GPC5: variants seen among roughly 807,000 people sequenced by gnomAD.
GPC5 encodes the protein glypican 5.
GPC5 carries 47 observed loss-of-function variants against 53.9 expected under a neutral mutation model. The observed-to-expected ratio is 0.87, with a 90% CI of 0.69 to 1.11. The LOEUF is 1.11. GPC5 is among the 50% of genes most tolerant of loss of function. GPC5 has a pLI of 0.00. For synonymous variants in GPC5, 286 were observed against 263.3 expected (o/e 1.09, Z -0.84); for missense variants, 748 against 713.1 (o/e 1.05, Z -0.56).
At chr13:92,123,433 A>T (rs894552653) in intron 6 of GPC5, among the ~76,000 whole-genome samples, 3 of 152,198 alleles carry the variant, frequency 2.0e-5, no homozygotes, top group African/African-American at 7.2e-5. Flanking sequence ...ATGATAATAA[A>T]AAAGAAAAGG....
At chr13:92,728,168 G>A (rs2139295693) in intron 7 of GPC5, among the ~76,000 whole-genome samples, 1 of 151,454 alleles carries the variant, frequency 6.6e-6, no homozygotes, top group African/African-American at 2.4e-5. Flanking sequence ...ATTTGCCATA[G>A]GCATTTATAA....
chr13:91,555,233 G>A (rs190545267), intron 2 of GPC5, among the ~76,000 whole-genome samples: 5 of 152,092 alleles, frequency 3.3e-5, no homozygotes, highest in South Asian at 2.1e-4. Flanking sequence ...GGCCTGGCCC[G>A]TGGAAAGAGG....
intron 5 of GPC5, among the ~76,000 whole-genome samples, chr13:91,906,565 T>C (rs2039555236): frequency 6.6e-6 from 1 of 152,124 alleles, no homozygotes; most frequent in Non-Finnish European, 1.5e-5. Flanking sequence ...TGAATAAACA[T>C]ACAAATGAAT....
At chr13:92,647,384 C>T (rs542763365) in intron 7 of GPC5, among the ~76,000 whole-genome samples, 2 of 152,148 alleles carry the variant, frequency 1.3e-5, no homozygotes, top group South Asian at 4.2e-4. Context: ...TGTCAGTGCT[C>T]CTGTTTCAGG....
At chr13:92,624,456 G>A (rs1438425187) in intron 7 of GPC5, among the ~76,000 whole-genome samples, 1 of 152,128 alleles carries the variant, frequency 6.6e-6, no homozygotes, top group East Asian at 1.9e-4. Flanking sequence ...CTTCTGCCAT[G>A]TCCATTCACA....
chr13:91,711,068 A>G (rs960970163), intron 3 of GPC5, among the ~76,000 whole-genome samples: 1 of 152,190 alleles, frequency 6.6e-6, no homozygotes, highest in African/African-American at 2.4e-5. Flanking sequence ...ATCTAGAACT[A>G]GAAATACCAT....
chr13:92,048,553 G>C (rs560168189), intron 6 of GPC5, among the ~76,000 whole-genome samples: 1 of 152,050 alleles, frequency 6.6e-6, no homozygotes, highest in Non-Finnish European at 1.5e-5. Flanking sequence ...CACATCTATC[G>C]CTAATATATT....
intron 5 of GPC5, among the ~76,000 whole-genome samples, chr13:91,782,738 AG>A: frequency 6.6e-6 from 1 of 152,288 alleles, no homozygotes; most frequent in Admixed American, 6.5e-5. Context: ...CCTATGAAAT[AG>A]GTGTATTTTC....
At chr13:92,057,221 C>G (rs1015057170) in intron 6 of GPC5, among the ~76,000 whole-genome samples, 2 of 151,982 alleles carry the variant, frequency 1.3e-5, no homozygotes, top group South Asian at 4.1e-4. Flanking sequence ...TTTGACAGCT[C>G]CAGGAAGAGA....
chr13:91,569,789 C>G (rs1174876844), intron 2 of GPC5, among the ~76,000 whole-genome samples: 1 of 152,106 alleles, frequency 6.6e-6, no homozygotes, highest in Non-Finnish European at 1.5e-5. Flanking sequence ...GGCCAATTTT[C>G]CTTCTACCTT....
chr13:91,480,825 T>C (rs1339816936), intron 2 of GPC5, among the ~76,000 whole-genome samples: 1 of 152,184 alleles, frequency 6.6e-6, no homozygotes. Context: ...TTTTTCCTTG[T>C]TGGACAGGAC....
intron 6 of GPC5, among the ~76,000 whole-genome samples, chr13:92,008,195 T>G (rs527437839): frequency 1.6e-4 from 25 of 151,742 alleles, no homozygotes; most frequent in Non-Finnish European, 3.2e-4. Flanking sequence ...CCTGAGTAGC[T>G]GGGACTACAG....
chr13:92,785,233 G>T (rs553734799), intron 7 of GPC5, among the ~76,000 whole-genome samples: 46 of 152,214 alleles, frequency 3.0e-4, no homozygotes, highest in African/African-American at 1.1e-3. Flanking sequence ...CCAAGATCAG[G>T]CCCCTTCACT....
intron 7 of GPC5, among the ~76,000 whole-genome samples, chr13:92,564,388 G>T (rs1483262353): frequency 6.6e-6 from 1 of 152,022 alleles, no homozygotes; most frequent in Non-Finnish European, 1.5e-5. Context: ...AATGAAGATT[G>T]AGGTATTAAA....
chr13:92,727,160 A>G lies in GPC5; in HGVS notation c.1562-139122A>G, dbSNP rs1888670816. 2.0e-5 allele frequency among the ~76,000 whole-genome samples: 3 copies of G among 151,480 alleles called. No individual in the cohort carries two copies. The Admixed American group carries it at 2.0e-4, about 10-fold the overall frequency. On this transcript the variant is annotated intron_variant, in intron 7 of 7. Transcript: ENST00000377067. ...TTATGCAGAGCCCTGTTTTATGTCA[A>G]CCACGCTAAGATAATGTAGCTCGGG...
chr13:92,119,424 A>T (rs2041628667), intron 6 of GPC5, among the ~76,000 whole-genome samples: 1 of 120,396 alleles, frequency 8.3e-6, no homozygotes, highest in South Asian at 2.7e-4. Flanking sequence ...TTGGAGACAG[A>T]GTCTTGCTCT....
chr13:92,045,769 A>G (rs2040977124), intron 6 of GPC5, among the ~76,000 whole-genome samples: 1 of 152,194 alleles, frequency 6.6e-6, no homozygotes, highest in South Asian at 2.1e-4. Flanking sequence ...GGCAACTGAG[A>G]TAATAAAAGA....
At chr13:92,739,610 A>G (rs1889031790) in intron 7 of GPC5, among the ~76,000 whole-genome samples, 1 of 151,330 alleles carries the variant, frequency 6.6e-6, no homozygotes, top group Non-Finnish European at 1.5e-5. Flanking sequence ...ATTTTCTCTC[A>G]CCTTTTCAAA....
chr13:91,557,226 A>G (rs543509588), intron 2 of GPC5, among the ~76,000 whole-genome samples: 3 of 151,886 alleles, frequency 2.0e-5, no homozygotes, highest in South Asian at 2.1e-4. Flanking sequence ...TGCTGCTCCA[A>G]TTTTTCACTT....
Sources: allele counts gnomAD v4.1 joint callset (sites outside exome capture counted in the v4.1 genomes callset), GRCh38; gene constraint gnomAD v4.1.1; transcripts MANE v1.5; gene names NCBI Gene and HGNC (gene_info 2026-07-23, HGNC 2026-07-21).